Variants in DCDC2 observed in about 807,000 individuals in gnomAD.
DCDC2 encodes doublecortin domain containing 2.
Under a neutral mutation model 50.2 loss-of-function variants are expected in DCDC2, and 40 were observed. That is an observed-to-expected ratio of 0.80 (90% CI 0.62 to 1.04). The LOEUF is 1.04. DCDC2 is among the 50% of genes least tolerant of loss of function. The probability of loss-of-function intolerance (pLI) is 0.00; values close to 1 mark genes in which losing one functional copy is unlikely to be tolerated. For synonymous variants in DCDC2, 234 were observed against 210.6 expected (o/e 1.11, Z -0.96); for missense variants, 570 against 581.9 (o/e 0.98, Z 0.21).
intron 7 of DCDC2, among the ~76,000 whole-genome samples, chr6:24,233,212 C>T (rs1762374789): frequency 6.6e-6 from 1 of 152,190 alleles, no homozygotes; most frequent in Non-Finnish European, 1.5e-5. Flanking sequence ...GTCCTACTGG[C>T]TTCACAAATA....
At chr6:24,338,081 T>C (rs1760090907) in intron 2 of DCDC2, among the ~76,000 whole-genome samples, 3 of 152,354 alleles carry the variant, frequency 2.0e-5, no homozygotes, top group South Asian at 4.1e-4. Flanking sequence ...CTGTGAGCTC[T>C]TGAGAAACAT....
rs184329896 is a variant in DCDC2, at chr6:24,268,236, C to T, written c.922+9813G>A. On this transcript the variant is annotated intron_variant, in intron 7 of 9. Transcript: ENST00000378454. ...GCGCGGTGACTCACGCCTGTAATTCCGGCACTTTGGGAGGCTGAGGCAGAT... is the reference window on the plus strand; with the variant it reads ...GCGCGGTGACTCACGCCTGTAATTCTGGCACTTTGGGAGGCTGAGGCAGAT... Among the ~76,000 whole-genome samples the T allele has an allele frequency of 2.3e-3, 349 of 152,244 alleles. 2 individuals are homozygous for T. The highest frequency in any genetic ancestry group is 8.0e-3 in the African/African-American group (334 of 41,544).
At chr6:24,299,395 G>C (rs1236547394) in intron 4 of DCDC2, among the ~76,000 whole-genome samples, 3 of 152,140 alleles carry the variant, frequency 2.0e-5, no homozygotes, top group African/African-American at 7.2e-5. Flanking sequence ...CACTTCCTGG[G>C]TGACAACATC....
chr6:24,174,679 G>A lies in DCDC2; in HGVS notation c.*51C>T. 1 of 1,272,908 alleles carries A rather than the reference G, an allele frequency of 7.9e-7. No homozygotes were observed. The highest frequency in any genetic ancestry group is 1.3e-5 in the South Asian group (1 of 79,894). 78.9% of individuals were successfully genotyped at this position (1,272,908 alleles called of 1,614,324 possible). A position where few individuals can be genotyped will look rare whatever the true frequency, so the allele number is the denominator to read the frequency against. On this transcript the variant is annotated 3_prime_UTR_variant, in exon 10 of 10. Transcript: ENST00000378454. ...AACTATGTGCTTATCTTTCAAGTAT[G>A]ATAACCCTTCATTTTTCTTGCGATC...
chr6:24,295,959 G>A (rs1250470077), intron 4 of DCDC2, among the ~76,000 whole-genome samples: 1 of 152,044 alleles, frequency 6.6e-6, no homozygotes, highest in Admixed American at 6.6e-5. Flanking sequence ...ATTCTTCACA[G>A]AACTAGAAAA....
At chr6:24,238,854 G>A (rs866715115) in intron 7 of DCDC2, among the ~76,000 whole-genome samples, 2 of 152,198 alleles carry the variant, frequency 1.3e-5, no homozygotes, top group Admixed American at 6.5e-5. Context: ...ACAAGAAGGG[G>A]CTGGTTCATT....
intron 7 of DCDC2, among the ~76,000 whole-genome samples, chr6:24,231,303 G>A (rs750885423): frequency 3.9e-5 from 6 of 152,112 alleles, no homozygotes; most frequent in Non-Finnish European, 8.8e-5. Context: ...TCACCAAGAG[G>A]ACTCTGGCCC....
intron 2 of DCDC2, among the ~76,000 whole-genome samples, chr6:24,320,949 T>C (rs1458495856): frequency 8.2e-6 from 1 of 121,854 alleles, no homozygotes; most frequent in African/African-American, 3.3e-5. Flanking sequence ...AGTAATTAAA[T>C]AAAAAAATTA....
intron 7 of DCDC2, among the ~76,000 whole-genome samples, chr6:24,274,791 A>C (rs1415199001): frequency 6.6e-6 from 1 of 152,078 alleles, no homozygotes; most frequent in Non-Finnish European, 1.5e-5. Flanking sequence ...TTAATTATTA[A>C]AAAATCAAGA....
intron 7 of DCDC2, among the ~76,000 whole-genome samples, chr6:24,220,927 A>AGAGTGAGCGAGAGAGCGAGCGAGCGAGC (rs1561895676): frequency 3.9e-5 from 2 of 51,746 alleles, no homozygotes; most frequent in South Asian, 5.5e-4. Context: ...AGCGAGCGAG[A>AGAGTGAGCGAGAGAGCGAGCGAGCGAGC]GCACATGCAG....
chr6:24,205,352 A>G, intron 7 of DCDC2: 1 of 1,489,412 alleles, frequency 6.7e-7, no homozygotes. Flanking sequence ...GCTCCTGTTC[A>G]CCCTTTGGCT....
Position 24,288,878 on chromosome 6 carries a change from C to T in DCDC2, c.733G>A (p.Val245Ile). 8 of 1,605,122 alleles carry T rather than the reference C, an allele frequency of 5.0e-6. No homozygotes were observed. Among genetic ancestry groups the T allele is most frequent in the Non-Finnish European group, 5.9e-6 (7 of 1,177,554 alleles). ...GQKASSLPPI[V>I]GSRKSKGSGN... The stretch of plus-strand genomic sequence containing the variant: ...CTCCCTTTAGACTTTCTGGATCCTA[C>T]AATAGGAGGTAGTGAAGAAGCTTTC... Residue 245 changes from valine to isoleucine, a missense_variant, in exon 6 of 10, where the codon GTA becomes ATA. Coordinates refer to ENST00000378454, the MANE Select transcript of DCDC2 (RefSeq NM_016356.5).
chr6:24,272,877 C>T (rs1763266415), intron 7 of DCDC2, among the ~76,000 whole-genome samples: 1 of 152,046 alleles, frequency 6.6e-6, no homozygotes, highest in South Asian at 2.1e-4. Context: ...CAAAAGAAAA[C>T]AAATCATTAT....
intron 2 of DCDC2, among the ~76,000 whole-genome samples, chr6:24,323,715 T>TA (rs897989539): frequency 5.3e-5 from 8 of 152,240 alleles, no homozygotes; most frequent in Admixed American, 6.5e-5. Context: ...TACAGTGTGA[T>TA]AAAAACTACC....
At chr6:24,286,933 C>G (rs1040790751) in intron 6 of DCDC2, among the ~76,000 whole-genome samples, 2 of 152,172 alleles carry the variant, frequency 1.3e-5, no homozygotes, top group African/African-American at 4.8e-5. Flanking sequence ...ACCACCTCCC[C>G]AGTCTAGGCT....
chr6:24,352,039 G>A (rs886515289), intron 2 of DCDC2, among the ~76,000 whole-genome samples: 5 of 152,182 alleles, frequency 3.3e-5, no homozygotes, highest in African/African-American at 1.2e-4. Context: ...AGGAGGTGGA[G>A]GTTGCAGTGA....
At chr6:24,211,050 A>G (rs1171735665) in intron 7 of DCDC2, among the ~76,000 whole-genome samples, 2 of 152,226 alleles carry the variant, frequency 1.3e-5, no homozygotes, top group African/African-American at 4.8e-5. Flanking sequence ...TCATTCATTC[A>G]TAGTGCCCTG....
In DCDC2 at chr6:24,174,758, T is replaced by C; in HGVS notation, c.1403A>G (p.Gln468Arg). 6.2e-7 allele frequency: 1 copy of C among 1,613,766 alleles called. No homozygotes were observed. The highest frequency in any genetic ancestry group is 8.5e-7 in the Non-Finnish European group (1 of 1,179,796). ...TSPEENENNQQNKDYAAVA is the reference protein window; with the variant it reads ...TSPEENENNQRNKDYAAVA ...AGCCACGGCAGCATAGTCCTTGTTT[T>C]GTTGGTTGTTTTCATTTTCTTCTGG... Residue 468 changes from glutamine (Q) to arginine (R), a missense_variant, in exon 10 of 10, where the codon CAA becomes CGA. Gln to Arg is a conservative substitution (Grantham distance 43). Coordinates refer to ENST00000378454, the MANE Select transcript of DCDC2 (RefSeq NM_016356.5).
intron 8 of DCDC2, among the ~76,000 whole-genome samples, chr6:24,197,454 G>A (rs776388920): frequency 3.9e-5 from 6 of 152,296 alleles, no homozygotes; most frequent in Non-Finnish European, 8.8e-5. Flanking sequence ...ATCAGGTGTT[G>A]TATATACATG....
Sources: allele counts gnomAD v4.1 joint callset (sites outside exome capture counted in the v4.1 genomes callset), GRCh38; gene constraint gnomAD v4.1.1; transcripts MANE v1.5; gene names NCBI Gene and HGNC (gene_info 2026-07-23, HGNC 2026-07-21).